Variants in PRKCH observed in about 807,000 individuals in gnomAD.
The protein encoded by PRKCH is protein kinase C eta.
A neutral mutation model predicts 82.5 loss-of-function variants in PRKCH; 28 were observed. The ratio of observed to expected loss-of-function variants is 0.34; its 90% CI spans 0.25 to 0.47. The LOEUF (loss-of-function observed/expected upper bound fraction) is 0.47. PRKCH is among the 20% of genes least tolerant of loss of function. The pLI, the probability that PRKCH is intolerant of heterozygous loss-of-function variation, is 1.00. For missense variants in PRKCH, 705 were observed against 881.8 expected (o/e 0.80, Z 2.54); for synonymous variants, 322 against 327.4 (o/e 0.98, Z 0.18).
intron 1 of PRKCH, among the ~76,000 whole-genome samples, chr14:61,229,726 C>T (rs1478422501): frequency 6.6e-6 from 1 of 152,140 alleles, no homozygotes; most frequent in Non-Finnish European, 1.5e-5. Context: ...TTGTCCCCGA[C>T]ACCCCACCTA....
chr14:61,325,998 A>T (rs76799741), intron 1 of PRKCH, among the ~76,000 whole-genome samples: 6,950 of 152,336 alleles, frequency 0.046, 214 homozygotes, highest in Non-Finnish European at 0.065. Flanking sequence ...GAACTCTCAT[A>T]TGCTATGGTG....
chr14:61,445,058 T>G (rs1450653084), intron 3 of PRKCH, among the ~76,000 whole-genome samples: 1 of 152,226 alleles, frequency 6.6e-6, no homozygotes, highest in Non-Finnish European at 1.5e-5. Context: ...GTTCAGTGCC[T>G]GGCACATCCT....
intron 1 of PRKCH, among the ~76,000 whole-genome samples, chr14:61,240,317 G>A (rs2044826038): frequency 6.6e-6 from 1 of 152,212 alleles, no homozygotes; most frequent in African/African-American, 2.4e-5. Flanking sequence ...GGAGGTTGGA[G>A]GAAGCGGTGT....
intron 10 of PRKCH, among the ~76,000 whole-genome samples, chr14:61,523,730 T>C (rs1383624784): frequency 6.6e-6 from 1 of 152,208 alleles, no homozygotes; most frequent in African/African-American, 2.4e-5. Flanking sequence ...AACAGACAAA[T>C]GGCAGTATGC....
chr14:61,217,468 T>C (rs2140050331), intron 1 of PRKCH, among the ~76,000 whole-genome samples: 1 of 152,240 alleles, frequency 6.6e-6, no homozygotes, highest in African/African-American at 2.4e-5. Flanking sequence ...GAACTCATAG[T>C]GTAGAGGGCA....
At position 61,452,990 on chromosome 14, in the gene PRKCH, T is replaced by C. The variant is rs1884583147; in HGVS notation, c.833-236T>C. 2.3e-5 allele frequency: 12 copies of C among 524,832 alleles called. 1 individual carries two copies. The South Asian group carries it at 3.0e-4, about 13-fold the overall frequency. The allele number at this position is 524,832 out of a possible 1,614,324, so 32.5% of individuals were successfully genotyped here. ...TTTCATCAAATCATGGTGGAAAAAA[T>C]GTATTTGAAATATATTATTCTTTAG... On this transcript the variant is annotated intron_variant, in intron 6 of 13. Coordinates refer to ENST00000332981, the MANE Select transcript of PRKCH (RefSeq NM_006255.5).
At chr14:61,283,585 G>T (rs1436099733) in intron 1 of PRKCH, among the ~76,000 whole-genome samples, 1 of 152,086 alleles carries the variant, frequency 6.6e-6, no homozygotes, top group Admixed American at 6.5e-5. Flanking sequence ...GGTGGCTCAT[G>T]CCTATAATTC....
chr14:61,301,430 C>CT (rs1566812273), intron 1 of PRKCH, among the ~76,000 whole-genome samples: 1 of 152,170 alleles, frequency 6.6e-6, no homozygotes, highest in African/African-American at 2.4e-5. Flanking sequence ...TCTCAGGGGA[C>CT]TTTTTTACTT....
chr14:61,418,300 C>G (rs1224131477), intron 2 of PRKCH, among the ~76,000 whole-genome samples: 2 of 152,194 alleles, frequency 1.3e-5, no homozygotes, highest in African/African-American at 4.8e-5. Flanking sequence ...AGCCTGTGTC[C>G]TGGTGATAAG....
intron 1 of PRKCH, among the ~76,000 whole-genome samples, chr14:61,254,540 C>G (rs1321033517): frequency 6.6e-6 from 1 of 152,052 alleles, no homozygotes; most frequent in Non-Finnish European, 1.5e-5. Context: ...CACTTGAGCT[C>G]GGGAGGTAGA....
chr14:61,311,081 T>A (rs2045520420), intron 1 of PRKCH, among the ~76,000 whole-genome samples: 1 of 152,228 alleles, frequency 6.6e-6, no homozygotes, highest in South Asian at 2.1e-4. Flanking sequence ...CAAGTTTTCC[T>A]CCTAGGCCTC....
chr14:61,332,468 T>C (rs577100485), intron 1 of PRKCH, among the ~76,000 whole-genome samples: 3 of 152,270 alleles, frequency 2.0e-5, no homozygotes, highest in Non-Finnish European at 4.4e-5. Flanking sequence ...GCTTTTATTA[T>C]GTACTGCCTT....
chr14:61,401,945 G>A (rs956162173), intron 2 of PRKCH, among the ~76,000 whole-genome samples: 3 of 152,202 alleles, frequency 2.0e-5, no homozygotes, highest in Admixed American at 2.0e-4. Flanking sequence ...TCTAAAAAAC[G>A]AATGAACTGC....
At chr14:61,322,658 C>T in intron 1 of PRKCH, 194 bp downstream of exon 1, 1 of 716,324 alleles carries the variant, frequency 1.4e-6, no homozygotes, top group Non-Finnish European at 2.2e-6. Flanking sequence ...AGGTGTGTCT[C>T]CAGGAAGCCG....
intron 1 of PRKCH, among the ~76,000 whole-genome samples, chr14:61,237,702 C>T (rs1284618689): frequency 6.6e-6 from 1 of 152,188 alleles, no homozygotes; most frequent in African/African-American, 2.4e-5. Context: ...CTTTCTCCCC[C>T]AACCCTTACC....
chr14:61,490,939 A>C (rs1034531511), intron 10 of PRKCH, among the ~76,000 whole-genome samples: 1 of 152,012 alleles, frequency 6.6e-6, no homozygotes, highest in Admixed American at 6.6e-5. Context: ...AACAAACAAA[A>C]AAAAATGGTG....
intron 9 of PRKCH, among the ~76,000 whole-genome samples, chr14:61,478,440 A>G (rs548126349): frequency 6.6e-6 from 1 of 152,220 alleles, no homozygotes; most frequent in African/African-American, 2.4e-5. Context: ...AATAGCTTCT[A>G]TTGATTGAGA....
chr14:61,277,124 T>C (rs1443951976), intron 1 of PRKCH, among the ~76,000 whole-genome samples: 1 of 152,086 alleles, frequency 6.6e-6, no homozygotes, highest in Non-Finnish European at 1.5e-5. Flanking sequence ...AAGCGGAGGT[T>C]GCAGTGAGCC....
chr14:61,341,636 G>T (rs2045931046), intron 1 of PRKCH, among the ~76,000 whole-genome samples: 1 of 152,212 alleles, frequency 6.6e-6, no homozygotes, highest in South Asian at 2.1e-4. Flanking sequence ...GGGATAGTAG[G>T]GGATTGTGAG....
Sources: allele counts gnomAD v4.1 joint callset (sites outside exome capture counted in the v4.1 genomes callset), GRCh38; gene constraint gnomAD v4.1.1; transcripts MANE v1.5; gene names NCBI Gene and HGNC (gene_info 2026-07-23, HGNC 2026-07-21).